YBX3: variants seen among roughly 807,000 people sequenced by gnomAD.
YBX3 encodes the protein Y-box binding protein 3.
YBX3 carries 29 observed loss-of-function variants against 42.4 expected under a neutral mutation model. The observed-to-expected ratio is 0.68, with a 90% confidence interval of 0.51 to 0.93. YBX3 has a LOEUF of 0.93. YBX3 is among the 40% of genes least tolerant of loss of function. YBX3 has a pLI of 0.00. For synonymous variants in YBX3, 195 were observed against 189.8 expected, an observed-to-expected ratio of 1.03 and a Z score of -0.22; for missense variants, 517 against 527.5, an observed-to-expected ratio of 0.98 and a Z score of 0.19.
At chr12:10,719,036 T>A in intron 2 of YBX3, 44 bp downstream of exon 2, 1 of 1,572,722 alleles carries the variant, frequency 6.4e-7, no homozygotes, top group Non-Finnish European at 8.7e-7. Flanking sequence ...GGTGCCACAA[T>A]GTAAGTATAA....
At chr12:10,716,058 A>C in intron 3 of YBX3, 1 of 403,428 alleles carries the variant, frequency 2.5e-6, no homozygotes, top group East Asian at 5.7e-5. Flanking sequence ...GTGACTACAC[A>C]CTACTGTTAC....
intron 5 of YBX3, 134 bp from the exon 6 acceptor site, chr12:10,710,248 T>C (rs1401361953): frequency 1.3e-6 from 2 of 1,526,568 alleles, no homozygotes; most frequent in African/African-American, 2.8e-5. Context: ...ACAGACAAAA[T>C]GCATTTAACC....
chr12:10,701,921 G>A, intron 8 of YBX3, 39 bp downstream of exon 8: 1 of 1,573,824 alleles, frequency 6.4e-7, no homozygotes, highest in Non-Finnish European at 8.6e-7. Context: ...CATGATTAAA[G>A]ACTATCTGGC....
chr12:10,709,788 G>C, intron 6 of YBX3, 120 bp downstream of exon 6: 4 of 1,212,726 alleles, frequency 3.3e-6, no homozygotes, highest in Non-Finnish European at 4.8e-6. Context: ...AGCTTTTGTA[G>C]CATCAGGAAG....
intron 7 of YBX3, chr12:10,703,652 G>A (rs1319990905): frequency 1.3e-5 from 5 of 377,088 alleles, no homozygotes; most frequent in South Asian, 1.0e-4. Flanking sequence ...CAGGCGATTT[G>A]ATCATACCCT....
At chr12:10,710,627 C>T (rs1296994917) in intron 5 of YBX3, 1 of 1,210,348 alleles carries the variant, frequency 8.3e-7, no homozygotes, top group Non-Finnish European at 1.1e-6. Context: ...CAAACTATTG[C>T]CATAATATTA....
At chr12:10,713,433 C>A in intron 4 of YBX3, 100 bp from the exon 5 acceptor site, 1 of 1,356,032 alleles carries the variant, frequency 7.4e-7, no homozygotes, top group Admixed American at 2.5e-5. Context: ...GCAGAACATA[C>A]TAAGAATTCC....
intron 6 of YBX3, among the ~76,000 whole-genome samples, chr12:10,709,117 T>G (rs918299681): frequency 3.9e-5 from 6 of 152,042 alleles, no homozygotes; most frequent in African/African-American, 1.4e-4. Flanking sequence ...AGGAGAAGGG[T>G]AGCAAAGAAC....
At position 10,723,267 on chromosome 12, in the gene YBX3, A is replaced by C. The variant is rs1350113440; in HGVS notation, c.-156T>G. 6.2e-6 allele frequency: 7 copies of C among 1,128,488 alleles called. No homozygotes were observed. Among genetic ancestry groups the C allele is most frequent in the African/African-American group, 4.9e-5 (3 of 60,862 alleles). The allele number at this position is 1,128,488 out of a possible 1,614,324, so 69.9% of individuals were successfully genotyped here. On this transcript the variant is annotated 5_prime_UTR_variant, in exon 1 of 10. Coordinates refer to ENST00000228251, the MANE Select transcript of YBX3 (RefSeq NM_003651.5). ...CGGCCGAGGTGGGGTCGCGCGGCGG[A>C]GGCGGCTCGAGCTTCGTGCTGCGCG...
chr12:10,701,939 G>GC, intron 8 of YBX3, 21 bp downstream of exon 8: 1 of 1,606,006 alleles, frequency 6.2e-7, no homozygotes, highest in Non-Finnish European at 8.5e-7. Context: ...GGCAACATCC[G>GC]CCCTGACTGG....
intron 6 of YBX3, 140 bp from the exon 7 acceptor site, chr12:10,704,288 C>A (rs142003117): frequency 3.0e-5 from 18 of 609,020 alleles, no homozygotes; most frequent in Admixed American, 2.9e-4. Flanking sequence ...AGTTGCAACA[C>A]AAACTATTTA....
intron 5 of YBX3, chr12:10,712,983 A>C (rs1948216429): frequency 1.9e-6 from 1 of 514,874 alleles, no homozygotes; most frequent in African/African-American, 1.9e-5. Context: ...TCACCACTAA[A>C]GAACTTATTC....
chr12:10,722,959 G>A lies in YBX3; in HGVS notation c.153C>T (p.His51=). 8.0e-7 allele frequency: 1 copy of A among 1,253,466 alleles called. No individual in the cohort carries two copies. The highest frequency in any genetic ancestry group is 1.0e-6 in the Non-Finnish European group (1 of 1,004,394). 77.6% of individuals were successfully genotyped at this position (1,253,466 alleles called of 1,614,324 possible). A position where few individuals can be genotyped will look rare whatever the true frequency, so the allele number is the denominator to read the frequency against. The part of the protein sequence containing the change: ...PQAAAPAPAA[H]VAGNPGGDAA... ...CGTCCCCACCGGGGTTTCCTGCGAC[G>A]TGGGCGGCGGGCGCCGGGGCCGCGG... Residue 51 remains histidine, a synonymous_variant, in exon 1 of 10, where the codon CAC becomes CAT. Transcript: ENST00000228251.
intron 6 of YBX3, among the ~76,000 whole-genome samples, chr12:10,705,043 C>T (rs1261703622): frequency 1.3e-5 from 2 of 152,096 alleles, no homozygotes; most frequent in African/African-American, 2.4e-5. Flanking sequence ...GCAAAAACAC[C>T]GTTTAGAATT....
intron 1 of YBX3, 91 bp from the exon 2 acceptor site, chr12:10,719,234 T>G (rs1475764178): frequency 9.6e-7 from 1 of 1,039,590 alleles, no homozygotes; most frequent in African/African-American, 1.6e-5. Context: ...AGACAAAGCC[T>G]AAACATACCT....
chr12:10,712,199 T>C (rs1402809784), intron 5 of YBX3: 1 of 152,236 alleles, frequency 6.6e-6, no homozygotes, highest in Non-Finnish European at 1.5e-5. Context: ...TGAGTTTTTC[T>C]TTGGATGAGA....
At chr12:10,722,079 CAA>C (rs1346994407) in intron 1 of YBX3, 4 of 152,278 alleles carry the variant, frequency 2.6e-5, no homozygotes, top group Admixed American at 6.5e-5. Context: ...CCACTTCCGA[CAA>C]AGTTTTTTCA....
chr12:10,709,827 T>G (rs1044909151), intron 6 of YBX3, 81 bp downstream of exon 6: 6 of 1,521,894 alleles, frequency 3.9e-6, no homozygotes, highest in Non-Finnish European at 5.5e-6. Context: ...GCAGCTGATG[T>G]TGGAGGAGGA....
At chr12:10,722,683 G>GCGCTGGGGACCCGGAGAC (rs1423030084) in intron 1 of YBX3, among the ~76,000 whole-genome samples, 167 bp downstream of exon 1, 17 of 152,282 alleles carry the variant, frequency 1.1e-4, no homozygotes, top group Non-Finnish European at 2.9e-5. Flanking sequence ...GAGGCGGCCA[G>GCGCTGGGGACCCGGAGAC]CGCTGGGGAC....
Sources: allele counts gnomAD v4.1 joint callset (sites outside exome capture counted in the v4.1 genomes callset), GRCh38; gene constraint gnomAD v4.1.1; transcripts MANE v1.5; gene names NCBI Gene and HGNC (gene_info 2026-07-23, HGNC 2026-07-21).